The following TMEM114 variants were observed in gnomAD, a reference collection of about 807,000 sequenced individuals.
TMEM114 encodes claudin-26.
Under a neutral mutation model 6.2 loss-of-function variants are expected in TMEM114, and 6 were observed. The observed-to-expected ratio is 0.97, with a 90% CI of 0.53 to 1.91. The LOEUF (loss-of-function observed/expected upper bound fraction) is 1.91. Ranked by LOEUF, TMEM114 falls within the 40% of genes most tolerant of loss-of-function variation. TMEM114 has a pLI of 0.01. For synonymous variants in TMEM114, 104 were observed against 73.0 expected (o/e 1.42, Z -2.16); for missense variants, 218 against 158.3 (o/e 1.38, Z -2.02).
downstream of TMEM114, among the ~76,000 whole-genome samples, chr16:8,536,204 G>A (rs1415259129): frequency 6.7e-6 from 1 of 149,032 alleles, no homozygotes; most frequent in Non-Finnish European, 1.5e-5. Flanking sequence ...CAGCCTGGGT[G>A]ACAGAGCGAA....
At chr16:8,529,654 C>T in the TMEM114 span, among the ~76,000 whole-genome samples, 1 of 151,394 alleles carries the variant, frequency 6.6e-6, no homozygotes, top group Admixed American at 6.6e-5. Flanking sequence ...CTCATGCACA[C>T]TAAAATTTGA....
chr16:8,548,555 C>G (rs1461335210), intron 2 of TMEM114, among the ~76,000 whole-genome samples: 3 of 152,084 alleles, frequency 2.0e-5, no homozygotes, highest in African/African-American at 7.2e-5. Context: ...GTACTGTGAC[C>G]TTTTGCAGGG....
chr16:8,575,359 G>A (rs1247371099), intron 2 of TMEM114, among the ~76,000 whole-genome samples: 1 of 152,166 alleles, frequency 6.6e-6, no homozygotes, highest in South Asian at 2.1e-4. Context: ...TAAATAAGTC[G>A]CAGACAGTTC....
At chr16:8,569,386 T>A, downstream of TMEM114, 1 of 963,582 alleles carries the variant, frequency 1.0e-6, no homozygotes, top group Non-Finnish European at 1.3e-6. Context: ...GCCCAGGAGG[T>A]AGGGCACCCT....
intron 2 of TMEM114, among the ~76,000 whole-genome samples, chr16:8,575,590 C>A (rs1200842588): frequency 6.6e-6 from 1 of 152,184 alleles, no homozygotes; most frequent in Non-Finnish European, 1.5e-5. Context: ...ACCAGGGTTC[C>A]AATGTCAGCC....
chr16:8,555,879 C>G (rs555674985), intron 2 of TMEM114, among the ~76,000 whole-genome samples: 20 of 152,304 alleles, frequency 1.3e-4, no homozygotes, highest in African/African-American at 4.8e-4. Context: ...GTCACTAGTA[C>G]CAAGGTTGGG....
intron 2 of TMEM114, among the ~76,000 whole-genome samples, chr16:8,550,429 C>G (rs1900804020): frequency 6.6e-6 from 1 of 152,146 alleles, no homozygotes; most frequent in South Asian, 2.1e-4. Flanking sequence ...GCCTGCAATT[C>G]CAGCACTTTG....
intron 2 of TMEM114, among the ~76,000 whole-genome samples, chr16:8,563,019 AGTGAGGG>A (rs879543275): frequency 0.026 from 3,738 of 143,926 alleles, 365 homozygotes; most frequent in Middle Eastern, 0.035. Context: ...TGAATGAGTG[AGTGAGGG>A]AATGAGTGAG....
At chr16:8,573,527 A>G (rs900981127) in intron 2 of TMEM114, among the ~76,000 whole-genome samples, 1 of 152,020 alleles carries the variant, frequency 6.6e-6, no homozygotes, top group Admixed American at 6.5e-5. Flanking sequence ...TCACTATTTG[A>G]CTCTGAGCTT....
chr16:8,555,895 C>T (rs1048817565), intron 2 of TMEM114, among the ~76,000 whole-genome samples: 2 of 152,172 alleles, frequency 1.3e-5, no homozygotes, highest in African/African-American at 4.8e-5. Context: ...TTGGGAAAGC[C>T]TGGTTGGCCT....
chr16:8,565,273 A>G (rs1428431981), downstream of TMEM114, among the ~76,000 whole-genome samples: 1 of 152,204 alleles, frequency 6.6e-6, no homozygotes, highest in Non-Finnish European at 1.5e-5. Flanking sequence ...TTATGAATGA[A>G]CAAAGACTGA....
the TMEM114 span, chr16:8,526,821 A>G: frequency 6.6e-6 from 1 of 152,226 alleles, no homozygotes; most frequent in Non-Finnish European, 1.5e-5. Context: ...CCTGGTCTAC[A>G]AGAAAAGTTA....
At chr16:8,556,081 C>A (rs1374572840) in intron 2 of TMEM114, among the ~76,000 whole-genome samples, 1 of 152,230 alleles carries the variant, frequency 6.6e-6, no homozygotes, top group Admixed American at 6.5e-5. Flanking sequence ...CATCCATACT[C>A]ATATTTCATC....
intron 2 of TMEM114, among the ~76,000 whole-genome samples, chr16:8,538,133 CAAAA>C (rs59194084): frequency 7.9e-5 from 6 of 76,348 alleles, no homozygotes; most frequent in African/African-American, 1.7e-4. Context: ...ACTGTCTCTA[CAAAA>C]AAAAAAAAAA....
chr16:8,558,578 T>C (rs562799965), intron 2 of TMEM114, among the ~76,000 whole-genome samples: 14 of 152,176 alleles, frequency 9.2e-5, no homozygotes, highest in Non-Finnish European at 1.8e-4. Context: ...TTATAGGTAG[T>C]GAAGTTACAA....
At chr16:8,582,244 C>G (rs1400771249) in intron 2 of TMEM114, among the ~76,000 whole-genome samples, 1 of 152,136 alleles carries the variant, frequency 6.6e-6, no homozygotes, top group Non-Finnish European at 1.5e-5. Flanking sequence ...TCTGACCAGC[C>G]TGGCCTCTCT....
At chr16:8,560,510 G>A (rs74007852) in intron 2 of TMEM114, among the ~76,000 whole-genome samples, 4,246 of 152,300 alleles carry the variant, frequency 0.028, 222 homozygotes, top group African/African-American at 0.096. Flanking sequence ...TGGGCACAGA[G>A]GACGCACTTC....
intron 2 of TMEM114, among the ~76,000 whole-genome samples, chr16:8,558,900 C>G (rs370314933): frequency 7.3e-6 from 1 of 136,978 alleles, no homozygotes; most frequent in African/African-American, 3.0e-5. Flanking sequence ...GCCACCATGC[C>G]CAGCTAATTT....
the TMEM114 span, among the ~76,000 whole-genome samples, chr16:8,527,940 C>T: frequency 3.3e-5 from 5 of 152,318 alleles, no homozygotes; most frequent in East Asian, 1.9e-4. Flanking sequence ...CAAAGTCTCC[C>T]TGTGCTGCCC....
Sources: allele counts gnomAD v4.1 joint callset (sites outside exome capture counted in the v4.1 genomes callset), GRCh38; gene constraint gnomAD v4.1.1; transcripts MANE v1.5; gene names NCBI Gene and HGNC (gene_info 2026-07-23, HGNC 2026-07-21).